Variants in KIF16B observed in about 807,000 individuals in gnomAD.
The protein encoded by KIF16B is kinesin-like protein KIF16B.
A neutral mutation model predicts 156.3 loss-of-function variants in KIF16B; 98 were observed. The ratio of observed to expected loss-of-function variants is 0.63; its 90% CI spans 0.53 to 0.74. The LOEUF is 0.74. Among genes scored for constraint, KIF16B ranks in the 30% least tolerant of loss-of-function variants. The pLI is 0.00. For synonymous variants in KIF16B, 564 were observed against 583.7 expected (o/e 0.97, Z 0.49); for missense variants, 1,421 against 1,606.5 (o/e 0.88, Z 1.97).
chr20:16,511,744 C>T (rs2068962292), intron 5 of KIF16B, among the ~76,000 whole-genome samples: 1 of 152,110 alleles, frequency 6.6e-6, no homozygotes, highest in South Asian at 2.1e-4. Context: ...ACAGTGGGTC[C>T]TCAAATAACA....
intron 25 of KIF16B, among the ~76,000 whole-genome samples, chr20:16,309,909 A>T (rs944073898): frequency 6.6e-6 from 1 of 152,226 alleles, no homozygotes. Flanking sequence ...TTTGTATTCT[A>T]TGTAACACCT....
chr20:16,383,378 T>C (rs2065151909), intron 17 of KIF16B, among the ~76,000 whole-genome samples: 1 of 152,218 alleles, frequency 6.6e-6, no homozygotes, highest in Admixed American at 6.5e-5. Flanking sequence ...ATACCGTCTA[T>C]TAACTCAGTT....
chr20:16,504,381 T>A lies in KIF16B; in HGVS notation c.1167A>T (p.Gln389His), dbSNP rs774881071. 6.2e-7 allele frequency: 1 copy of A among 1,613,968 alleles called. No individual in the cohort carries two copies. The highest frequency in any genetic ancestry group is 1.1e-5 in the South Asian group (1 of 91,050). Residue 389 changes from glutamine (Q) to histidine (H), a missense_variant, in exon 10 of 26, where the codon CAA becomes CAT. Coordinates refer to ENST00000354981, the MANE Select transcript of KIF16B (RefSeq NM_024704.5). ...CTCAGAAAAACCCAACCTGATTCCC[T>A]TGAGCAAGCAGCGTTTTCAGTCTGG... The part of the protein sequence containing the change: ...EIARLKTLLA[Q>H]GNQIALLDSP...
chr20:16,280,867 T>TGTGTGTGA (rs758721339), intron 25 of KIF16B, among the ~76,000 whole-genome samples: 1 of 150,788 alleles, frequency 6.6e-6, no homozygotes, highest in Non-Finnish European at 1.5e-5. Flanking sequence ...TGTGTGTGTG[T>TGTGTGTGA]GCGCAGAAAA....
At chr20:16,276,144 G>A (rs2063058091) in intron 25 of KIF16B, among the ~76,000 whole-genome samples, 1 of 152,218 alleles carries the variant, frequency 6.6e-6, no homozygotes, top group Non-Finnish European at 1.5e-5. Context: ...CTGACTTCAA[G>A]ATGAACTCTG....
At chr20:16,547,327 G>T (rs2147266619) in intron 1 of KIF16B, among the ~76,000 whole-genome samples, 1 of 152,290 alleles carries the variant, frequency 6.6e-6, no homozygotes, top group Non-Finnish European at 1.5e-5. Flanking sequence ...TTAATATCAT[G>T]GCTCATGCCC....
intron 12 of KIF16B, among the ~76,000 whole-genome samples, chr20:16,443,363 C>A (rs973146925): frequency 1.3e-5 from 2 of 152,134 alleles, no homozygotes; most frequent in African/African-American, 2.4e-5. Context: ...AGGAGGGAAA[C>A]CACAACCCAG....
At chr20:16,388,776 A>G (rs892791835) in intron 17 of KIF16B, among the ~76,000 whole-genome samples, 7 of 152,190 alleles carry the variant, frequency 4.6e-5, no homozygotes, top group Non-Finnish European at 1.0e-4. Context: ...CTTATACCAT[A>G]AAGAAGGAGG....
intron 20 of KIF16B, 141 bp downstream of exon 20, chr20:16,374,116 G>T: frequency 1.3e-6 from 1 of 791,024 alleles, no homozygotes; most frequent in Non-Finnish European, 1.8e-6. Context: ...AATGGCAGAT[G>T]AAGGCAGAGC....
Position 16,273,152 on chromosome 20 carries a change from G to A in KIF16B, c.*101C>T. The A allele has an allele frequency of 3.0e-6, 3 of 983,658 alleles. No individual in the cohort carries two copies. The highest frequency in any genetic ancestry group is 1.5e-5 in the South Asian group (1 of 68,436). The allele number at this position is 983,658 out of a possible 1,614,324, so 60.9% of individuals were successfully genotyped here. ...GCTGCTGCATGTCTGTCTTCAGCAG[G>A]AGGAGGCAGACCCGGATCCTCGCAT... On this transcript the variant is annotated 3_prime_UTR_variant, in exon 26 of 26. Transcript: ENST00000354981.
chr20:16,550,946 C>A (rs993583870), intron 1 of KIF16B, among the ~76,000 whole-genome samples: 4 of 152,066 alleles, frequency 2.6e-5, no homozygotes, highest in African/African-American at 9.7e-5. Flanking sequence ...ACATGAGAGC[C>A]TGGATTTCCC....
chr20:16,519,507 TC>T (rs2069258300), intron 3 of KIF16B, among the ~76,000 whole-genome samples: 1 of 152,152 alleles, frequency 6.6e-6, no homozygotes, highest in Non-Finnish European at 1.5e-5. Flanking sequence ...AAAGCCAACT[TC>T]CTCCACAAAC....
rs1282205963 is a variant in KIF16B at position 16,342,269 on chromosome 20, C to T, written c.3622-6254G>A. ...ATCTCTCTACTTAGGAGATTTTAAG[C>T]CTTCTAAGGGTATAAGCTATTTGTC... is the stretch of plus-strand genomic sequence containing the variant. On this transcript the variant is annotated intron_variant, in intron 23 of 25. Coordinates refer to ENST00000354981, the MANE Select transcript of KIF16B (RefSeq NM_024704.5). Among the ~76,000 whole-genome samples the T allele has an allele frequency of 2.6e-4, 38 of 146,342 alleles. 1 individual carries two copies. The highest frequency in any genetic ancestry group is 2.6e-3 in the Admixed American group (38 of 14,770).
intron 1 of KIF16B, among the ~76,000 whole-genome samples, chr20:16,533,574 A>G (rs116090133): frequency 0.012 from 1,803 of 152,326 alleles, 18 homozygotes; most frequent in African/African-American, 0.028. Context: ...TTAAAATCAC[A>G]TGACAGAATA....
chr20:16,530,138 G>A (rs1446126655), intron 1 of KIF16B, among the ~76,000 whole-genome samples: 1 of 152,198 alleles, frequency 6.6e-6, no homozygotes, highest in African/African-American at 2.4e-5. Context: ...TTGGAGAAGT[G>A]ATTCAATCCA....
At chr20:16,309,336 T>C (rs1051758162) in intron 25 of KIF16B, among the ~76,000 whole-genome samples, 1 of 152,132 alleles carries the variant, frequency 6.6e-6, no homozygotes, top group Non-Finnish European at 1.5e-5. Flanking sequence ...TTCTTACTCT[T>C]GCCTTTATGT....
At chr20:16,511,228 GGATGGCCAGT>G (rs1441675086) in intron 6 of KIF16B, among the ~76,000 whole-genome samples, 180 bp downstream of exon 6, 4 of 152,112 alleles carry the variant, frequency 2.6e-5, no homozygotes, top group Admixed American at 2.6e-4. Context: ...TAAAATCAAC[GGATGGCCAGT>G]GAAGTATAAA....
chr20:16,326,427 T>C (rs1052328618), intron 24 of KIF16B, among the ~76,000 whole-genome samples: 3 of 147,922 alleles, frequency 2.0e-5, no homozygotes, highest in Non-Finnish European at 3.0e-5. Context: ...ATATCCAGAA[T>C]CTATAAGGAG....
At chr20:16,544,607 CAAAA>C (rs11472848) in intron 1 of KIF16B, among the ~76,000 whole-genome samples, 2 of 64,646 alleles carry the variant, frequency 3.1e-5, no homozygotes, top group African/African-American at 6.2e-5. Context: ...AAAGCCATCT[CAAAA>C]AAAAAAAAAA....
Sources: gnomAD v4.1 joint callset for allele counts (sites outside exome capture counted in the v4.1 genomes callset) on GRCh38, gnomAD v4.1.1 for gene constraint, MANE v1.5 for transcripts, NCBI Gene and HGNC (gene_info 2026-07-23, HGNC 2026-07-21) for gene names.